Variants in DNAJB6 observed in about 807,000 individuals in gnomAD.
DNAJB6 encodes the protein DnaJ heat shock protein family (Hsp40) member B6, also known as dnaJ homolog subfamily B member 6.
DNAJB6 carries 16 observed loss-of-function variants against 42.7 expected under a neutral mutation model. The observed-to-expected ratio is 0.37, with a 90% confidence interval of 0.25 to 0.57. DNAJB6 has a LOEUF of 0.57. Among genes scored for constraint, DNAJB6 ranks in the 20% least tolerant of loss-of-function variants. The pLI, the probability that DNAJB6 is intolerant of heterozygous loss-of-function variation, is 0.74. For missense variants in DNAJB6, 347 were observed against 416.8 expected (o/e 0.83, Z 1.46); for synonymous variants, 170 against 163.5 (o/e 1.04, Z -0.30).
intron 8 of DNAJB6, among the ~76,000 whole-genome samples, chr7:157,391,779 G>A (rs1801356072): frequency 6.6e-6 from 1 of 152,118 alleles, no homozygotes; most frequent in Non-Finnish European, 1.5e-5. Flanking sequence ...TAGAAGTTGA[G>A]TAATTGGCTT....
chr7:157,388,893 A>C (rs1801209956), intron 8 of DNAJB6, among the ~76,000 whole-genome samples: 1 of 152,200 alleles, frequency 6.6e-6, no homozygotes, highest in South Asian at 2.1e-4. Context: ...TCCTTTATAA[A>C]ATTTAAGCTT....
chr7:157,338,589 C>T (rs1798173129), intron 1 of DNAJB6, among the ~76,000 whole-genome samples: 1 of 152,226 alleles, frequency 6.6e-6, no homozygotes, highest in Non-Finnish European at 1.5e-5. Flanking sequence ...CTGCCTCGGC[C>T]TCCCAAAGTG....
At chr7:157,342,334 T>TA (rs1491132050) in intron 1 of DNAJB6, among the ~76,000 whole-genome samples, 4 of 4,868 alleles carry the variant, frequency 8.2e-4, no homozygotes, top group African/African-American at 4.4e-3. Context: ...TCCTGGCTAA[T>TA]TTTTTTTTTT....
In DNAJB6 at chr7:157,389,046, TAG is replaced by T. The variant is rs771058179; in HGVS notation, c.691+3438_691+3439del. On this transcript the variant is annotated intron_variant, in intron 8 of 9. Transcript: ENST00000262177. ...TCAATGAGTAGATTTTAGAAGTGGG[TAG>T]AGTTAGTGTCACCATTTGCTAAACT... Among the ~76,000 whole-genome samples, 118 of 152,308 alleles carry T rather than the reference TAG, an allele frequency of 7.7e-4. 2 individuals carry two copies. The highest frequency in any genetic ancestry group is 4.1e-3 in the Admixed American group (62 of 15,302).
intron 8 of DNAJB6, among the ~76,000 whole-genome samples, chr7:157,405,488 GC>G (rs1795731970): frequency 6.6e-6 from 1 of 152,200 alleles, no homozygotes; most frequent in Non-Finnish European, 1.5e-5. Context: ...AGGCGAATGG[GC>G]CAGGGTGCTG....
intron 1 of DNAJB6, among the ~76,000 whole-genome samples, chr7:157,352,031 C>A (rs968730766): frequency 6.6e-6 from 1 of 151,724 alleles, no homozygotes; most frequent in African/African-American, 2.4e-5. Flanking sequence ...AAAAACAAAA[C>A]TTCTCAATTT....
At chr7:157,354,600 A>G (rs1320472571) in intron 1 of DNAJB6, among the ~76,000 whole-genome samples, 1 of 152,084 alleles carries the variant, frequency 6.6e-6, no homozygotes, top group South Asian at 2.1e-4. Context: ...TGGTCTCACA[A>G]AGTGCCAGGA....
chr7:157,344,563 C>T (rs1344778031), intron 1 of DNAJB6, among the ~76,000 whole-genome samples: 1 of 151,666 alleles, frequency 6.6e-6, no homozygotes, highest in African/African-American at 2.4e-5. Flanking sequence ...TCCTGCTCTA[C>T]GCAAATTCCC....
intron 8 of DNAJB6, among the ~76,000 whole-genome samples, chr7:157,398,858 T>C (rs1801718968): frequency 6.6e-6 from 1 of 152,258 alleles, no homozygotes; most frequent in Non-Finnish European, 1.5e-5. Flanking sequence ...GTGACTTGTT[T>C]TTTCTACAAC....
intron 8 of DNAJB6, among the ~76,000 whole-genome samples, chr7:157,399,958 C>T (rs1456188561): frequency 2.6e-5 from 4 of 152,120 alleles, no homozygotes; most frequent in East Asian, 1.9e-4. Flanking sequence ...CGTGAGCCGC[C>T]GCACCCGGCC....
At chr7:157,358,746 A>G in intron 2 of DNAJB6, 109 bp downstream of exon 2, 1 of 834,288 alleles carries the variant, frequency 1.2e-6, no homozygotes, top group Non-Finnish European at 2.0e-6. Context: ...GTAGTATACC[A>G]GTCTTTGAAT....
chr7:157,350,400 T>G lies in DNAJB6; in HGVS notation c.-26-8147T>G, dbSNP rs1008626972. Among the ~76,000 whole-genome samples, 9 of 152,312 alleles carry G rather than the reference T, an allele frequency of 5.9e-5. No individual in the cohort carries two copies. The East Asian group carries it at 1.7e-3, about 29-fold the overall frequency. ...GAAGAGAAATTGAACCTGTATCGCA[T>G]AATTTGAATAAGGACCAAAGGGTGA... is the stretch of plus-strand genomic sequence containing the variant. On this transcript the variant is annotated intron_variant, in intron 1 of 9. Transcript: ENST00000262177.
intron 5 of DNAJB6, among the ~76,000 whole-genome samples, chr7:157,377,691 C>T (rs1800541901): frequency 6.6e-6 from 1 of 152,172 alleles, no homozygotes; most frequent in African/African-American, 2.4e-5. Flanking sequence ...CTTTACCAGT[C>T]TCCTGATCCA....
intron 3 of DNAJB6, among the ~76,000 whole-genome samples, chr7:157,364,400 G>C (rs1422479294): frequency 1.3e-5 from 2 of 152,172 alleles, no homozygotes; most frequent in East Asian, 3.8e-4. Flanking sequence ...AAGTCTTCTT[G>C]AAATGTGGCA....
chr7:157,341,596 C>A (rs1326507992), intron 1 of DNAJB6, among the ~76,000 whole-genome samples: 4 of 152,128 alleles, frequency 2.6e-5, no homozygotes, highest in Admixed American at 2.0e-4. Context: ...TACGTGTGTG[C>A]TCTAGTTGGT....
intron 6 of DNAJB6, 150 bp downstream of exon 6, chr7:157,382,527 G>C: frequency 1.5e-6 from 1 of 685,894 alleles, no homozygotes; most frequent in Non-Finnish European, 2.1e-6. Flanking sequence ...TGGTATACAG[G>C]TCTGCGCTTA....
intron 1 of DNAJB6, among the ~76,000 whole-genome samples, chr7:157,356,257 C>T (rs1228157297): frequency 6.6e-6 from 1 of 152,250 alleles, no homozygotes. Flanking sequence ...AGATCGTTGG[C>T]AGCAAACTGG....
chr7:157,340,776 C>G (rs1041630127), intron 1 of DNAJB6, among the ~76,000 whole-genome samples: 1 of 151,780 alleles, frequency 6.6e-6, no homozygotes, highest in Non-Finnish European at 1.5e-5. Context: ...TCAAGCCATT[C>G]TCCTGCTTCA....
chr7:157,374,999 C>CA (rs1177014678), intron 5 of DNAJB6, among the ~76,000 whole-genome samples: 1 of 152,168 alleles, frequency 6.6e-6, no homozygotes, highest in Non-Finnish European at 1.5e-5. Flanking sequence ...AACTTGTGGA[C>CA]AACTCCAGAG....
Sources: allele counts gnomAD v4.1 joint callset (sites outside exome capture counted in the v4.1 genomes callset), GRCh38; gene constraint gnomAD v4.1.1; transcripts MANE v1.5; gene names NCBI Gene and HGNC (gene_info 2026-07-23, HGNC 2026-07-21).